Variants in MARCHF1 observed in about 807,000 individuals in gnomAD.
MARCHF1 encodes E3 ubiquitin-protein ligase MARCHF1.
Under a neutral mutation model 54.2 loss-of-function variants are expected in MARCHF1, and 40 were observed. That is an observed-to-expected ratio of 0.74 (90% CI 0.57 to 0.96). The LOEUF is 0.96. Among genes scored for constraint, MARCHF1 ranks in the 40% least tolerant of loss-of-function variants. The probability of loss-of-function intolerance (pLI) is 0.00; values close to 1 mark genes in which losing one functional copy is unlikely to be tolerated. For synonymous variants in MARCHF1, 236 were observed against 236.3 expected, an observed-to-expected ratio of 1.00 and a Z score of 0.01; for missense variants, 586 against 656.5, an observed-to-expected ratio of 0.89 and a Z score of 1.17.
At chr4:163,538,195 ACT>A (rs1177418236) in intron 9 of MARCHF1, among the ~76,000 whole-genome samples, 1 of 152,166 alleles carries the variant, frequency 6.6e-6, no homozygotes, top group Non-Finnish European at 1.5e-5. Context: ...CTCATTCTAG[ACT>A]CTTGGGAGTC....
At chr4:164,033,532 A>T (rs1245175105) in intron 2 of MARCHF1, among the ~76,000 whole-genome samples, 1 of 152,230 alleles carries the variant, frequency 6.6e-6, no homozygotes, top group Non-Finnish European at 1.5e-5. Flanking sequence ...TCCATCTGAC[A>T]AAGGTCTAAT....
chr4:164,359,457 T>G (rs1445308962), intron 1 of MARCHF1, among the ~76,000 whole-genome samples: 3 of 152,160 alleles, frequency 2.0e-5, no homozygotes, highest in Non-Finnish European at 4.4e-5. Context: ...AGAGAGACAT[T>G]TCCTATGGTA....
At chr4:163,719,258 C>T (rs1379174405) in intron 4 of MARCHF1, among the ~76,000 whole-genome samples, 1 of 150,184 alleles carries the variant, frequency 6.7e-6, no homozygotes, top group Non-Finnish European at 1.5e-5. Context: ...TCAATTGCCA[C>T]CTATGAGTGA....
At chr4:163,942,424 C>T (rs1751931352) in intron 3 of MARCHF1, among the ~76,000 whole-genome samples, 2 of 152,266 alleles carry the variant, frequency 1.3e-5, no homozygotes, top group South Asian at 4.1e-4. Flanking sequence ...GTTCAATAAG[C>T]CCCTTGGACA....
At chr4:164,042,843 G>A (rs1015183816) in intron 2 of MARCHF1, among the ~76,000 whole-genome samples, 2 of 152,226 alleles carry the variant, frequency 1.3e-5, no homozygotes, top group Admixed American at 6.5e-5. Context: ...CATTTCAAAT[G>A]GGAGAAATTG....
At chr4:164,063,004 GT>G (rs1754653263) in intron 2 of MARCHF1, among the ~76,000 whole-genome samples, 7 of 152,158 alleles carry the variant, frequency 4.6e-5, no homozygotes, top group Admixed American at 3.3e-4. Context: ...AATCTTTGTG[GT>G]TTTTGCTTGT....
At chr4:164,088,948 T>C (rs1330910526) in intron 2 of MARCHF1, among the ~76,000 whole-genome samples, 4 of 152,182 alleles carry the variant, frequency 2.6e-5, no homozygotes, top group African/African-American at 9.6e-5. Context: ...AACATATGGA[T>C]AATTCTTTTT....
At chr4:163,995,514 A>AC (rs760789098) in intron 2 of MARCHF1, among the ~76,000 whole-genome samples, 1 of 151,974 alleles carries the variant, frequency 6.6e-6, no homozygotes, top group Non-Finnish European at 1.5e-5. Context: ...TCTCTGAGTG[A>AC]CCAGCCTTCA....
At chr4:164,011,390 A>G (rs1251631756) in intron 2 of MARCHF1, among the ~76,000 whole-genome samples, 1 of 7,110 alleles carries the variant, frequency 1.4e-4, no homozygotes, top group African/African-American at 1.5e-4. Flanking sequence ...GTTAATAACC[A>G]TAATATAATG....
chr4:164,076,931 G>A (rs1754993731), intron 2 of MARCHF1, among the ~76,000 whole-genome samples: 3 of 152,076 alleles, frequency 2.0e-5, no homozygotes, highest in South Asian at 2.1e-4. Flanking sequence ...GGAAGAATCA[G>A]TATCGTGAAA....
At chr4:164,074,599 T>C (rs1324191896) in intron 2 of MARCHF1, among the ~76,000 whole-genome samples, 1 of 152,054 alleles carries the variant, frequency 6.6e-6, no homozygotes, top group Non-Finnish European at 1.5e-5. Context: ...TTTAAACAAA[T>C]TGTGGTAATA....
chr4:163,776,077 A>G (rs1396762561), intron 4 of MARCHF1, among the ~76,000 whole-genome samples: 1 of 152,098 alleles, frequency 6.6e-6, no homozygotes, highest in East Asian at 1.9e-4. Flanking sequence ...AAAAATAGAA[A>G]CCAGCAATTT....
chr4:164,123,164 A>G (rs1246447879), intron 1 of MARCHF1, among the ~76,000 whole-genome samples: 12 of 152,160 alleles, frequency 7.9e-5, no homozygotes, highest in Non-Finnish European at 1.8e-4. Context: ...CTATATGCCA[A>G]CAGTGAATAA....
chr4:163,898,957 T>C (rs544657549), intron 3 of MARCHF1, among the ~76,000 whole-genome samples: 1 of 151,910 alleles, frequency 6.6e-6, no homozygotes, highest in African/African-American at 2.4e-5. Context: ...ATACCACATG[T>C]TCTCACTTAT....
chr4:164,284,345 AGAGAG>A (rs1734095634), intron 1 of MARCHF1, among the ~76,000 whole-genome samples: 1 of 150,322 alleles, frequency 6.7e-6, no homozygotes, highest in East Asian at 2.0e-4. Flanking sequence ...AGAGAGAGAG[AGAGAG>A]AGAGAGAGAG....
intron 3 of MARCHF1, among the ~76,000 whole-genome samples, chr4:163,903,821 G>A (rs570079304): frequency 6.6e-6 from 1 of 151,894 alleles, no homozygotes; most frequent in East Asian, 1.9e-4. Flanking sequence ...CAAGATTGTT[G>A]CCCAGGCTGG....
At chr4:163,626,491 T>G (rs897243052) in intron 5 of MARCHF1, among the ~76,000 whole-genome samples, 1 of 152,214 alleles carries the variant, frequency 6.6e-6, no homozygotes, top group African/African-American at 2.4e-5. Flanking sequence ...TAGTAACACA[T>G]TAATTATACT....
intron 2 of MARCHF1, among the ~76,000 whole-genome samples, chr4:164,050,514 C>T (rs1367142738): frequency 6.6e-6 from 1 of 152,004 alleles, no homozygotes; most frequent in Non-Finnish European, 1.5e-5. Context: ...ATCTAATCCA[C>T]CATGTTATCT....
intron 7 of MARCHF1, among the ~76,000 whole-genome samples, chr4:163,589,789 T>C (rs1740527189): frequency 6.6e-6 from 1 of 152,064 alleles, no homozygotes; most frequent in Non-Finnish European, 1.5e-5. Flanking sequence ...TTTTACCTGA[T>C]GGGAAGTTGG....
Sources: gnomAD v4.1 joint callset for allele counts (sites outside exome capture counted in the v4.1 genomes callset) on GRCh38, gnomAD v4.1.1 for gene constraint, MANE v1.5 for transcripts, NCBI Gene and HGNC (gene_info 2026-07-23, HGNC 2026-07-21) for gene names.